HRH1: variants seen among roughly 807,000 people sequenced by gnomAD.
HRH1 encodes the protein histamine H1 receptor.
HRH1 carries 6 observed loss-of-function variants against 10.3 expected under a neutral mutation model. That is an observed-to-expected ratio of 0.58 (90% CI 0.32 to 1.15). The LOEUF is 1.15. Among genes scored for constraint, HRH1 ranks in the 50% most tolerant of loss-of-function variants. The probability of loss-of-function intolerance (pLI) is 0.05; values close to 1 mark genes in which losing one functional copy is unlikely to be tolerated. For missense variants in HRH1, 514 were observed against 615.3 expected (o/e 0.84, Z 1.74); for synonymous variants, 242 against 236.7 (o/e 1.02, Z -0.21).
chr3:11,236,361 G>A (rs184849194), intron 1 of HRH1, among the ~76,000 whole-genome samples: 3 of 152,320 alleles, frequency 2.0e-5, no homozygotes, highest in East Asian at 3.9e-4. Context: ...CCAAGGAGGC[G>A]GAGGTTGCGG....
At chr3:11,140,142 G>A (rs188536727) in intron 1 of HRH1, among the ~76,000 whole-genome samples, 69 of 152,254 alleles carry the variant, frequency 4.5e-4, no homozygotes, top group Non-Finnish European at 8.4e-4. Flanking sequence ...AACGACCCGC[G>A]CAGCTGTTCT....
chr3:11,153,752 G>T (rs1181914176), upstream of HRH1, among the ~76,000 whole-genome samples: 1 of 151,336 alleles, frequency 6.6e-6, no homozygotes, highest in Non-Finnish European at 1.5e-5. Flanking sequence ...CTGCAGAGGG[G>T]CCTCACCCCC....
chr3:11,217,426 G>A (rs1938547420), intron 1 of HRH1, among the ~76,000 whole-genome samples: 1 of 152,148 alleles, frequency 6.6e-6, no homozygotes, highest in Admixed American at 6.5e-5. Flanking sequence ...CTACTCAGGA[G>A]GCTGAGGCAG....
chr3:11,179,394 G>T (rs1399563349), intron 1 of HRH1, among the ~76,000 whole-genome samples: 1 of 151,802 alleles, frequency 6.6e-6, no homozygotes, highest in Admixed American at 6.6e-5. Flanking sequence ...GCCGAGGTGG[G>T]TGGATCACGA....
chr3:11,179,919 C>T (rs529492315), intron 1 of HRH1, among the ~76,000 whole-genome samples: 8 of 151,958 alleles, frequency 5.3e-5, no homozygotes, highest in East Asian at 2.0e-4. Flanking sequence ...CACAGGCATG[C>T]GCCACCATGT....
intron 1 of HRH1, among the ~76,000 whole-genome samples, chr3:11,211,895 T>C (rs1250030862): frequency 6.6e-6 from 1 of 152,208 alleles, no homozygotes; most frequent in East Asian, 1.9e-4. Context: ...TGTATCAGAA[T>C]CATTGGAGGT....
intron 1 of HRH1, among the ~76,000 whole-genome samples, chr3:11,163,615 C>G (rs1331903660): frequency 6.6e-6 from 1 of 152,136 alleles, no homozygotes; most frequent in Non-Finnish European, 1.5e-5. Context: ...GTTGTGAGGC[C>G]TCACCCCTAT....
intron 1 of HRH1, among the ~76,000 whole-genome samples, chr3:11,253,927 G>T (rs1443089079): frequency 6.6e-6 from 1 of 152,102 alleles, no homozygotes; most frequent in Non-Finnish European, 1.5e-5. Flanking sequence ...CCTTTTTTAG[G>T]TTTAGGGGAA....
chr3:11,252,054 C>A (rs1012417043), intron 1 of HRH1, among the ~76,000 whole-genome samples: 4 of 152,286 alleles, frequency 2.6e-5, no homozygotes, highest in Non-Finnish European at 5.9e-5. Context: ...AAAGCTAGGA[C>A]AGGGGCAGTT....
intron 1 of HRH1, among the ~76,000 whole-genome samples, chr3:11,173,551 G>A (rs1937195336): frequency 2.0e-5 from 3 of 151,580 alleles, no homozygotes; most frequent in Admixed American, 6.6e-5. Context: ...ACAGGCACCC[G>A]CCACCACACC....
intron 1 of HRH1, among the ~76,000 whole-genome samples, chr3:11,228,705 A>G (rs1938961067): frequency 6.6e-6 from 1 of 151,998 alleles, no homozygotes; most frequent in African/African-American, 2.4e-5. Flanking sequence ...TCACCTGAGG[A>G]GTTTGAGACC....
intron 1 of HRH1, among the ~76,000 whole-genome samples, chr3:11,146,145 G>A (rs889106180): frequency 6.6e-6 from 1 of 152,126 alleles, no homozygotes; most frequent in Non-Finnish European, 1.5e-5. Flanking sequence ...CCAAGGGATC[G>A]GTATCATTTT....
intron 1 of HRH1, among the ~76,000 whole-genome samples, chr3:11,159,145 GA>G (rs1936877262): frequency 6.6e-6 from 1 of 152,220 alleles, no homozygotes; most frequent in Non-Finnish European, 1.5e-5. Context: ...CTACTTGGGG[GA>G]ATGAGGCAGG....
chr3:11,183,357 G>A (rs571108940), intron 1 of HRH1, among the ~76,000 whole-genome samples: 6 of 152,304 alleles, frequency 3.9e-5, no homozygotes, highest in African/African-American at 1.4e-4. Flanking sequence ...GCCAGAGGTG[G>A]TCTTGACCCT....
intron 1 of HRH1, among the ~76,000 whole-genome samples, chr3:11,231,926 A>G (rs1939052527): frequency 1.3e-5 from 2 of 151,210 alleles, no homozygotes; most frequent in Admixed American, 1.3e-4. Flanking sequence ...GATTTCCTCT[A>G]ATGTGTTTTT....
chr3:11,235,164 G>A (rs1266436054), intron 1 of HRH1, among the ~76,000 whole-genome samples: 3 of 149,786 alleles, frequency 2.0e-5, no homozygotes, highest in Non-Finnish European at 3.0e-5. Flanking sequence ...GCAGTGAGCC[G>A]AGATCACACC....
chr3:11,248,942 G>A (rs961495199), intron 1 of HRH1, among the ~76,000 whole-genome samples: 2 of 152,188 alleles, frequency 1.3e-5, no homozygotes, highest in Non-Finnish European at 2.9e-5. Flanking sequence ...CCTAACAGTC[G>A]CTTTTATTTA....
chr3:11,187,228 T>C (rs1937463682), intron 1 of HRH1, among the ~76,000 whole-genome samples: 1 of 152,058 alleles, frequency 6.6e-6, no homozygotes, highest in South Asian at 2.1e-4. Flanking sequence ...GAATTACTAA[T>C]ACTTAAGCAA....
chr3:11,146,437 G>A (rs1399527883), intron 1 of HRH1, among the ~76,000 whole-genome samples: 2 of 152,178 alleles, frequency 1.3e-5, no homozygotes, highest in Non-Finnish European at 2.9e-5. Context: ...CATCTCAGGG[G>A]CAACAAGAAA....
Sources: gnomAD v4.1 joint callset for allele counts (sites outside exome capture counted in the v4.1 genomes callset) on GRCh38, gnomAD v4.1.1 for gene constraint, MANE v1.5 for transcripts, NCBI Gene and HGNC (gene_info 2026-07-23, HGNC 2026-07-21) for gene names.